The following RYR2 variants were observed in gnomAD, a reference collection of about 807,000 sequenced individuals.
The protein encoded by RYR2 is cardiac muscle ryanodine receptor-calcium release channel.
A neutral mutation model predicts 601.1 loss-of-function variants in RYR2; 227 were observed. The observed-to-expected ratio is 0.38, with a 90% CI of 0.34 to 0.42. The LOEUF is 0.42. Among genes scored for constraint, RYR2 ranks in the 10% least tolerant of loss-of-function variants. The pLI is 1.00. For synonymous variants in RYR2, 2,223 were observed against 2,175.1 expected, an observed-to-expected ratio of 1.02 and a Z score of -0.61; for missense variants, 4,646 against 6,156.5, an observed-to-expected ratio of 0.75 and a Z score of 8.21.
chr1:237,360,635 A>G (rs547998044), intron 4 of RYR2, among the ~76,000 whole-genome samples: 3 of 152,364 alleles, frequency 2.0e-5, no homozygotes, highest in African/African-American at 7.2e-5. Context: ...GCCGAAAAAT[A>G]GAATGAATTC....
chr1:237,651,847 C>T lies in RYR2; in HGVS notation c.7824+346C>T, dbSNP rs187259652. Reference sequence around the variant, plus strand: ...GGTTAGGAGATCGAGACCATCCTAGCTAACACGGTGAAACCCCGTCTCTAT... The same window carrying T: ...GGTTAGGAGATCGAGACCATCCTAGTTAACACGGTGAAACCCCGTCTCTAT... On this transcript the variant is annotated intron_variant, in intron 51 of 104. Coordinates refer to ENST00000366574, the MANE Select transcript of RYR2 (RefSeq NM_001035.3). Among the ~76,000 whole-genome samples, 917 of 152,200 alleles carry T rather than the reference C, an allele frequency of 6.0e-3. 11 individuals carry two copies. Among genetic ancestry groups the T allele is most frequent in the African/African-American group, 0.02 (842 of 41,516 alleles).
chr1:237,436,572 A>G (rs867817442), intron 12 of RYR2, among the ~76,000 whole-genome samples: 17 of 145,972 alleles, frequency 1.2e-4, no homozygotes, highest in Non-Finnish European at 8.9e-5. Flanking sequence ...CTTTCTTTTC[A>G]CAGTGACCAA....
chr1:237,573,638 C>G (rs965626336), intron 29 of RYR2, among the ~76,000 whole-genome samples: 1 of 150,504 alleles, frequency 6.6e-6, no homozygotes, highest in Admixed American at 6.6e-5. Flanking sequence ...CGGTGAAACC[C>G]TGTCTCTACT....
At chr1:237,150,129 T>TTCCTTTCCTTTCC (rs1372110732) in intron 1 of RYR2, among the ~76,000 whole-genome samples, 5 of 152,208 alleles carry the variant, frequency 3.3e-5, no homozygotes, top group African/African-American at 1.2e-4. Context: ...TTTTCCTTTG[T>TTCCTTTCCTTTCC]TCCTTTCCTT....
chr1:237,693,839 A>G (rs1413609431), intron 63 of RYR2, among the ~76,000 whole-genome samples: 1 of 152,232 alleles, frequency 6.6e-6, no homozygotes, highest in East Asian at 1.9e-4. Context: ...TTAGTGGATT[A>G]AGTTTATGTT....
intron 2 of RYR2, among the ~76,000 whole-genome samples, chr1:237,329,144 A>G (rs1298362956): frequency 6.6e-6 from 1 of 152,168 alleles, no homozygotes; most frequent in Non-Finnish European, 1.5e-5. Context: ...TGCATTCACA[A>G]TTTAATCATC....
rs368678508 is a variant in RYR2 at position 237,602,120 on chromosome 1, A to G, written c.4683+9A>G. On this transcript the variant is annotated intron_variant, in intron 35 of 104. Transcript: ENST00000366574. Reference sequence around the variant, plus strand: ...AGTTGGGAAGAATAAAGGTAATAAAACTTATTCCTGGTATTGTATTTGTAT... The same window carrying G: ...AGTTGGGAAGAATAAAGGTAATAAAGCTTATTCCTGGTATTGTATTTGTAT... The G allele has an allele frequency of 2.7e-5, 43 of 1,600,030 alleles. No homozygotes were observed. The highest frequency in any genetic ancestry group is 3.6e-5 in the Non-Finnish European group (42 of 1,169,600).
intron 10 of RYR2, among the ~76,000 whole-genome samples, chr1:237,389,399 A>C (rs1436433328): frequency 6.6e-6 from 1 of 152,084 alleles, no homozygotes; most frequent in Non-Finnish European, 1.5e-5. Flanking sequence ...GGTTGTTAGG[A>C]AGGGATGTGG....
At chr1:237,730,177 T>A in intron 76 of RYR2, 83 bp from the exon 77 acceptor site, 1 of 767,786 alleles carries the variant, frequency 1.3e-6, no homozygotes, top group South Asian at 1.5e-5. Context: ...AGTGCACAGA[T>A]AATCTAGTAA....
rs770641716 is a variant in RYR2, at chr1:237,625,653, T to C, written c.6023-8T>C. On this transcript the variant is annotated splice_region_variant and splice_polypyrimidine_tract_variant and intron_variant, in intron 39 of 104. Transcript: ENST00000366574. ...ATTTTTTTCTGCCTCTCTGTTTTTT[T>C]ATACTAGGAATTGAGCTGGATGAAG... 2.5e-6 allele frequency: 4 copies of C among 1,606,496 alleles called. No homozygotes were observed. Among genetic ancestry groups the C allele is most frequent in the Middle Eastern group, 3.3e-4 (2 of 6,006 alleles).
At chr1:237,331,487 C>T (rs1696707369) in intron 3 of RYR2, among the ~76,000 whole-genome samples, 1 of 151,628 alleles carries the variant, frequency 6.6e-6, no homozygotes, top group Non-Finnish European at 1.5e-5. Flanking sequence ...AATCCTTCTC[C>T]TCTGAAAATT....
rs1049133703 is a variant in RYR2 at position 237,270,314 on chromosome 1, A to G, written c.49-183A>G. On this transcript the variant is annotated intron_variant, in intron 1 of 104. Coordinates refer to ENST00000366574, the MANE Select transcript of RYR2 (RefSeq NM_001035.3). ...TCCCCTACTCAGTTGCCTTTTTGCA[A>G]ATAAAAAGTACGTGAGGGATTGATT... 1.9e-5 allele frequency: 17 copies of G among 875,630 alleles called. No individual in the cohort carries two copies. The Admixed American group carries it at 2.2e-4, about 11-fold the overall frequency. The allele number at this position is 875,630 out of a possible 1,614,324, so 54.2% of individuals were successfully genotyped here.
At chr1:237,303,686 T>G (rs929599461) in intron 2 of RYR2, among the ~76,000 whole-genome samples, 3 of 152,238 alleles carry the variant, frequency 2.0e-5, no homozygotes, top group African/African-American at 7.2e-5. Context: ...AATATACATA[T>G]GTACCTTTTT....
At chr1:237,808,269 GTT>G (rs1660859936) in intron 99 of RYR2, among the ~76,000 whole-genome samples, 1 of 152,084 alleles carries the variant, frequency 6.6e-6, no homozygotes. Flanking sequence ...TTTCTATTTA[GTT>G]TAGGATATGA....
intron 97 of RYR2, among the ~76,000 whole-genome samples, chr1:237,800,901 C>A (rs1406016689): frequency 6.6e-6 from 1 of 151,890 alleles, no homozygotes; most frequent in Non-Finnish European, 1.5e-5. Context: ...CATGCATATA[C>A]CAGCACCCAC....
At chr1:237,575,153 A>T (rs1052251271) in intron 29 of RYR2, among the ~76,000 whole-genome samples, 4 of 152,208 alleles carry the variant, frequency 2.6e-5, no homozygotes, top group African/African-American at 9.6e-5. Flanking sequence ...GAGTGTTTTT[A>T]GATGTACGTA....
intron 98 of RYR2, among the ~76,000 whole-genome samples, chr1:237,804,239 A>G (rs985234562): frequency 1.7e-4 from 26 of 151,550 alleles, no homozygotes; most frequent in African/African-American, 6.3e-4. Context: ...CACTTTTCCA[A>G]CTTGGTCTTG....
At chr1:237,620,965 C>T (rs1284149682) in intron 38 of RYR2, among the ~76,000 whole-genome samples, 1 of 152,134 alleles carries the variant, frequency 6.6e-6, no homozygotes, top group East Asian at 1.9e-4. Flanking sequence ...ACAAGGTACA[C>T]ACTCTTTTCA....
chr1:237,388,034 T>C (rs1371068247), intron 9 of RYR2, 53 bp from the exon 10 acceptor site: 1 of 1,473,544 alleles, frequency 6.8e-7, no homozygotes, highest in East Asian at 2.3e-5. Context: ...TCTGTCTGGC[T>C]ATCAGCACCT....
Sources: gnomAD v4.1 joint callset for allele counts (sites outside exome capture counted in the v4.1 genomes callset) on GRCh38, gnomAD v4.1.1 for gene constraint, MANE v1.5 for transcripts, NCBI Gene and HGNC (gene_info 2026-07-23, HGNC 2026-07-21) for gene names.